The following ADAMTSL1 variants were observed in gnomAD, a reference collection of about 807,000 sequenced individuals.
ADAMTSL1 encodes the protein ADAMTS-like protein 1.
A neutral mutation model predicts 201.8 loss-of-function variants in ADAMTSL1; 126 were observed. The ratio of observed to expected loss-of-function variants is 0.62; its 90% confidence interval spans 0.54 to 0.72. The LOEUF (loss-of-function observed/expected upper bound fraction) is 0.72, where lower values mean the gene tolerates loss of function less well. Ranked by LOEUF, ADAMTSL1 falls within the 30% of genes least tolerant of loss-of-function variation. ADAMTSL1 has a pLI of 0.00. For missense variants in ADAMTSL1, 2,679 were observed against 2,277.8 expected, an observed-to-expected ratio of 1.18 and a Z score of -3.59; for synonymous variants, 1,121 against 903.4, an observed-to-expected ratio of 1.24 and a Z score of -4.32.
chr9:18,428,888 A>T (rs1819355685), intron 2 of ADAMTSL1, among the ~76,000 whole-genome samples: 1 of 152,228 alleles, frequency 6.6e-6, no homozygotes, highest in South Asian at 2.1e-4. Context: ...TCAGAGTTCA[A>T]AAACTGAGCA....
chr9:18,795,318 T>G, intron 19 of ADAMTSL1, 79 bp from the exon 20 acceptor site: 6 of 1,583,336 alleles, frequency 3.8e-6, no homozygotes, highest in Non-Finnish European at 5.2e-6. Flanking sequence ...CTGAGGTTCC[T>G]TCCTGCCTTA....
chr9:18,443,362 T>G (rs956998574), intron 2 of ADAMTSL1, among the ~76,000 whole-genome samples: 1 of 152,236 alleles, frequency 6.6e-6, no homozygotes, highest in Non-Finnish European at 1.5e-5. Flanking sequence ...TTTGTCTTTC[T>G]CCTTCAGTGT....
At chr9:18,206,883 G>T (rs1390812434) in intron 2 of ADAMTSL1, among the ~76,000 whole-genome samples, 2 of 152,076 alleles carry the variant, frequency 1.3e-5, no homozygotes, top group Admixed American at 6.6e-5. Flanking sequence ...AGTGGAGTGG[G>T]CTTGGCACGG....
intron 1 of ADAMTSL1, among the ~76,000 whole-genome samples, chr9:18,157,545 G>A (rs886364945): frequency 8.6e-5 from 13 of 151,872 alleles, no homozygotes; most frequent in African/African-American, 2.2e-4. Flanking sequence ...AATCAGACCC[G>A]AACTAAGCAG....
chr9:18,566,096 T>G (rs1806976723), intron 3 of ADAMTSL1, among the ~76,000 whole-genome samples: 1 of 152,176 alleles, frequency 6.6e-6, no homozygotes, highest in Non-Finnish European at 1.5e-5. Flanking sequence ...TAACCAACTT[T>G]CCTAGTGTCT....
At chr9:18,210,540 T>G (rs1020037103) in intron 2 of ADAMTSL1, among the ~76,000 whole-genome samples, 3 of 147,974 alleles carry the variant, frequency 2.0e-5, no homozygotes, top group Non-Finnish European at 4.5e-5. Flanking sequence ...TTAATTAATA[T>G]TACCAGGAAT....
intron 1 of ADAMTSL1, among the ~76,000 whole-genome samples, chr9:18,488,672 G>A (rs1822117540): frequency 6.6e-6 from 1 of 152,130 alleles, no homozygotes; most frequent in Non-Finnish European, 1.5e-5. Flanking sequence ...ACTCAGCACA[G>A]TACCCCACAC....
At chr9:17,954,751 T>G (rs999923390) in intron 1 of ADAMTSL1, among the ~76,000 whole-genome samples, 4 of 152,170 alleles carry the variant, frequency 2.6e-5, no homozygotes, top group Admixed American at 6.6e-5. Context: ...TTAACAACCT[T>G]AAGTTCTAGA....
rs138455491 is a variant in ADAMTSL1, at chr9:18,280,873, CT to C, written c.207+116909del. 1.2e-3 allele frequency among the ~76,000 whole-genome samples: 153 copies of C among 131,810 alleles called. 1 individual carries two copies. Among genetic ancestry groups the C allele is most frequent in the Middle Eastern group, 4.0e-3 (1 of 248 alleles). 86.5% of individuals were successfully genotyped at this position (131,810 alleles called of 152,430 possible). On this transcript the variant is annotated intron_variant, in intron 2 of 29. Transcript: ENST00000680146. ...TAGTTACTGCTTTAGCTGCATTCCG[CT>C]TTTTTTTTTTTTTTTTCCTGAGACA...
At chr9:18,601,784 A>T (rs1486044246) in intron 4 of ADAMTSL1, among the ~76,000 whole-genome samples, 2 of 151,458 alleles carry the variant, frequency 1.3e-5, no homozygotes, top group African/African-American at 4.8e-5. Flanking sequence ...TATAATATAC[A>T]TTATATATAG....
At chr9:18,301,040 T>A (rs751659940) in intron 2 of ADAMTSL1, among the ~76,000 whole-genome samples, 51 of 152,156 alleles carry the variant, frequency 3.4e-4, no homozygotes, top group Non-Finnish European at 6.3e-4. Flanking sequence ...AGTCACTACT[T>A]AACTCCACAG....
chr9:18,266,428 T>A (rs1305683477), intron 2 of ADAMTSL1, among the ~76,000 whole-genome samples: 1 of 152,170 alleles, frequency 6.6e-6, no homozygotes, highest in Non-Finnish European at 1.5e-5. Context: ...CCAAACTGAT[T>A]TGAGTAGACA....
chr9:18,209,645 C>T (rs1452779858), intron 2 of ADAMTSL1, among the ~76,000 whole-genome samples: 1 of 152,138 alleles, frequency 6.6e-6, no homozygotes, highest in Non-Finnish European at 1.5e-5. Context: ...TTAAGAAATG[C>T]AAGTTTTAGC....
rs149582934 is a variant in ADAMTSL1, at chr9:18,848,679, C to T, written c.4249+18702C>T. Among the ~76,000 whole-genome samples, 46 of 152,314 alleles carry T rather than the reference C, an allele frequency of 3.0e-4. 1 individual carries two copies. The highest frequency in any genetic ancestry group is 1.1e-3 in the African/African-American group (44 of 41,562). ...ACTCTCTGCTGACTTCCTGAAGCACCTACTCTAGACCAGAGTTGGGCAAAC... is the reference window on the plus strand; with the variant it reads ...ACTCTCTGCTGACTTCCTGAAGCACTTACTCTAGACCAGAGTTGGGCAAAC... On this transcript the variant is annotated intron_variant, in intron 23 of 28. Transcript: ENST00000380548.
At chr9:18,133,716 C>A (rs970863482) in intron 1 of ADAMTSL1, among the ~76,000 whole-genome samples, 1 of 152,038 alleles carries the variant, frequency 6.6e-6, no homozygotes, top group African/African-American at 2.4e-5. Context: ...AGTTCTTAGC[C>A]CTGTTCATGG....
intron 2 of ADAMTSL1, among the ~76,000 whole-genome samples, chr9:18,352,873 T>C (rs1026233838): frequency 2.6e-5 from 4 of 152,224 alleles, no homozygotes; most frequent in African/African-American, 9.6e-5. Flanking sequence ...TTCTTAGGAA[T>C]CCTCCTAGAA....
At chr9:18,665,928 G>T (rs527674651) in intron 9 of ADAMTSL1, among the ~76,000 whole-genome samples, 1 of 152,040 alleles carries the variant, frequency 6.6e-6, no homozygotes, top group Non-Finnish European at 1.5e-5. Flanking sequence ...CCCAATGCCC[G>T]CAGATAACCT....
intron 1 of ADAMTSL1, among the ~76,000 whole-genome samples, chr9:18,102,619 G>T (rs1824579983): frequency 6.6e-6 from 1 of 152,154 alleles, no homozygotes; most frequent in African/African-American, 2.4e-5. Context: ...CATGAAGAAA[G>T]AACAGAGTCA....
chr9:18,457,551 G>A (rs974686536), intron 2 of ADAMTSL1, among the ~76,000 whole-genome samples: 2 of 152,124 alleles, frequency 1.3e-5, no homozygotes, highest in Non-Finnish European at 2.9e-5. Context: ...CCAGGGTGGT[G>A]TTGAACTCCT....
Sources: gnomAD v4.1 joint callset for allele counts (sites outside exome capture counted in the v4.1 genomes callset) on GRCh38, gnomAD v4.1.1 for gene constraint, MANE v1.5 for transcripts, NCBI Gene and HGNC (gene_info 2026-07-23, HGNC 2026-07-21) for gene names.